Variants in PI4K2A observed in about 807,000 individuals in gnomAD.
PI4K2A encodes the protein phosphatidylinositol 4-kinase type 2 alpha.
In PI4K2A, 20 loss-of-function variants were observed where a neutral mutation model predicts 55.0. The observed-to-expected ratio is 0.36, with a 90% CI of 0.26 to 0.53. The LOEUF is 0.53. PI4K2A is among the 20% of genes least tolerant of loss of function. PI4K2A has a pLI of 0.91. For missense variants in PI4K2A, 463 were observed against 637.1 expected (o/e 0.73, Z 2.94); for synonymous variants, 235 against 258.5 (o/e 0.91, Z 0.87).
Position 97,656,195 on chromosome 10 carries a change from T to A in PI4K2A, c.637-90T>A. On this transcript the variant is annotated intron_variant, in intron 2 of 8. Coordinates refer to ENST00000370631, the Ensembl canonical transcript of PI4K2A. This position sits in a 1 kb window ranked among gnomAD's most constrained non-coding sequence, Gnocchi z 4.5. ...CTGTGCCCTGGAAGAGGAATAGGATTTGTGAACATCAAGCTATTTATTCTC... is the reference window on the plus strand; with the variant it reads ...CTGTGCCCTGGAAGAGGAATAGGATATGTGAACATCAAGCTATTTATTCTC... 2.8e-6 allele frequency: 3 copies of A among 1,056,826 alleles called. No individual in the cohort carries two copies. Among genetic ancestry groups the A allele is most frequent in the Non-Finnish European group, 4.3e-6 (3 of 699,740 alleles). 65.5% of individuals were successfully genotyped at this position (1,056,826 alleles called of 1,614,324 possible).
At chr10:97,655,037 T>C (rs1378800555) in intron 2 of PI4K2A, among the ~76,000 whole-genome samples, 1 of 152,104 alleles carries the variant, frequency 6.6e-6, no homozygotes, top group Non-Finnish European at 1.5e-5. Flanking sequence ...CCAATTTTAA[T>C]GTTTGTGTTT....
At chr10:97,655,866 C>T (rs371524182) in intron 2 of PI4K2A, among the ~76,000 whole-genome samples, 5 of 152,068 alleles carry the variant, frequency 3.3e-5, no homozygotes, top group Admixed American at 6.6e-5. Flanking sequence ...TGAGCCACCA[C>T]GCCTGGCCAG....
intron 1 of PI4K2A, among the ~76,000 whole-genome samples, chr10:97,642,486 C>T (rs1456958176): frequency 2.6e-5 from 4 of 151,292 alleles, no homozygotes; most frequent in East Asian, 1.9e-4. Flanking sequence ...CTGCAGCCTC[C>T]GCCTCCCAGG....
At chr10:97,662,809 A>T in intron 4 of PI4K2A, 98 bp from the exon 5 acceptor site, 1 of 787,952 alleles carries the variant, frequency 1.3e-6, no homozygotes, top group Non-Finnish European at 2.3e-6. Flanking sequence ...CATTCTCAGT[A>T]GAAGCGTTAG....
chr10:97,647,334 C>A (rs891592247), intron 1 of PI4K2A, among the ~76,000 whole-genome samples: 1 of 151,966 alleles, frequency 6.6e-6, no homozygotes, highest in Admixed American at 6.6e-5. Flanking sequence ...AGAAAAAAAA[C>A]ACAAAATATT....
chr10:97,667,105 T>A, exon 8 of PI4K2A: 1 of 1,613,386 alleles, frequency 6.2e-7, no homozygotes, highest in Non-Finnish European at 8.5e-7. Flanking sequence ...AGCAGATTGC[T>A]GTCATGCGGG....
chr10:97,655,621 A>T (rs1048111319), intron 2 of PI4K2A, among the ~76,000 whole-genome samples: 4 of 151,968 alleles, frequency 2.6e-5, no homozygotes, highest in African/African-American at 9.7e-5. Context: ...CACCCAGGAT[A>T]GAATGTGCAG....
chr10:97,668,491 T>G (rs1295740516), intron 8 of PI4K2A, among the ~76,000 whole-genome samples: 1 of 152,104 alleles, frequency 6.6e-6, no homozygotes, highest in Non-Finnish European at 1.5e-5. Context: ...GGTGGAAGGA[T>G]TGCTTGGGCC....
At chr10:97,652,912 T>C (rs12569774) in intron 2 of PI4K2A, among the ~76,000 whole-genome samples, 25,647 of 152,054 alleles carry the variant, frequency 0.17, 2,334 homozygotes, top group Non-Finnish European at 0.21. Flanking sequence ...CCAAAGTTCT[T>C]CCAACTTTAG....
chr10:97,658,258 A>G (rs1048873024), intron 4 of PI4K2A, among the ~76,000 whole-genome samples: 17 of 152,186 alleles, frequency 1.1e-4, no homozygotes, highest in African/African-American at 3.9e-4. Context: ...TGACTACTCT[A>G]AGTACCTCAT....
At chr10:97,657,063 G>A (rs2041558514) in intron 4 of PI4K2A, 89 bp downstream of exon 4, 9 of 1,326,854 alleles carry the variant, frequency 6.8e-6, no homozygotes, top group Non-Finnish European at 9.6e-6. Flanking sequence ...GGGAGTCAGA[G>A]TACCTTGTCC....
chr10:97,662,403 C>A (rs1021195900), intron 4 of PI4K2A, among the ~76,000 whole-genome samples: 2 of 152,126 alleles, frequency 1.3e-5, no homozygotes, highest in Admixed American at 6.5e-5. Context: ...AGGAAGATTT[C>A]TTTTGGCAAG....
At chr10:97,646,245 G>A (rs1356676939) in intron 1 of PI4K2A, among the ~76,000 whole-genome samples, 1 of 147,756 alleles carries the variant, frequency 6.8e-6, no homozygotes, top group East Asian at 2.0e-4. Context: ...TTGAGATGGA[G>A]CCTCACTCTG....
At chr10:97,650,822 T>G in intron 1 of PI4K2A, 119 bp from the exon 2 acceptor site, 1 of 727,672 alleles carries the variant, frequency 1.4e-6, no homozygotes, top group Non-Finnish European at 2.3e-6. Flanking sequence ...TGAGTCCAAC[T>G]GTAAGTAGGA....
chr10:97,673,068 C>T (rs546962793), intron 8 of PI4K2A, among the ~76,000 whole-genome samples: 49 of 151,844 alleles, frequency 3.2e-4, no homozygotes, highest in African/African-American at 1.1e-3. Context: ...CTCACTGCAA[C>T]CTCCGCCTCC....
intron 1 of PI4K2A, among the ~76,000 whole-genome samples, chr10:97,642,255 C>G (rs1645938644): frequency 6.6e-6 from 1 of 152,088 alleles, no homozygotes. Flanking sequence ...ATTGAATGAT[C>G]TAGTTATTCA....
At chr10:97,661,046 C>T (rs1398869318) in intron 4 of PI4K2A, among the ~76,000 whole-genome samples, 3 of 151,600 alleles carry the variant, frequency 2.0e-5, no homozygotes, top group African/African-American at 7.3e-5. Context: ...GGCTGGAGTG[C>T]AGTGGCCCAA....
intron 5 of PI4K2A, 108 bp from the exon 6 acceptor site, chr10:97,664,777 A>G: frequency 2.8e-6 from 2 of 705,488 alleles, no homozygotes; most frequent in Non-Finnish European, 2.5e-6. Flanking sequence ...AGATAAGTTC[A>G]ATAAGAATTC....
chr10:97,654,480 AAT>A (rs1194913809), intron 2 of PI4K2A, among the ~76,000 whole-genome samples: 6 of 152,170 alleles, frequency 3.9e-5, no homozygotes, highest in African/African-American at 9.6e-5. Context: ...TGGGAAAAAA[AAT>A]AGTTATTTGT....
Sources: gnomAD v4.1 joint callset for allele counts (sites outside exome capture counted in the v4.1 genomes callset) on GRCh38, gnomAD v4.1.1 for gene constraint, Gnocchi (gnomAD v3.1) non-coding constraint, MANE v1.5 for transcripts, NCBI Gene and HGNC (gene_info 2026-07-23, HGNC 2026-07-21) for gene names.